The following NREP variants were observed in gnomAD, a reference collection of about 807,000 sequenced individuals.
NREP encodes the protein neuronal regeneration-related protein.
In NREP, 5 loss-of-function variants were observed where a neutral mutation model predicts 8.6. That is an observed-to-expected ratio of 0.58 (90% CI 0.30 to 1.22). The LOEUF (loss-of-function observed/expected upper bound fraction) is 1.22, where lower values mean the gene tolerates loss of function less well. NREP is among the 50% of genes most tolerant of loss of function. The pLI is 0.07. For missense variants in NREP, 86 were observed against 82.5 expected, an observed-to-expected ratio of 1.04 and a Z score of -0.17; for synonymous variants, 27 against 28.0, an observed-to-expected ratio of 0.96 and a Z score of 0.11.
intron 2 of NREP, among the ~76,000 whole-genome samples, chr5:111,767,109 C>G (rs1751102873): frequency 6.6e-6 from 1 of 152,096 alleles, no homozygotes; most frequent in African/African-American, 2.4e-5. Flanking sequence ...GGAATTTAAG[C>G]AGTCAAGAAT....
chr5:111,969,938 T>C (rs1756761390), intron 2 of NREP, among the ~76,000 whole-genome samples: 1 of 152,226 alleles, frequency 6.6e-6, no homozygotes, highest in Non-Finnish European at 1.5e-5. Flanking sequence ...AAACTCTTGC[T>C]GTCTCTGAAC....
At chr5:111,931,439 T>C (rs1470063675) in intron 2 of NREP, among the ~76,000 whole-genome samples, 2 of 152,008 alleles carry the variant, frequency 1.3e-5, no homozygotes, top group Non-Finnish European at 1.5e-5. Context: ...TGGAGTTTAG[T>C]TGGTCACCTG....
intron 2 of NREP, among the ~76,000 whole-genome samples, chr5:111,745,584 T>G (rs1352856250): frequency 6.6e-6 from 1 of 152,150 alleles, no homozygotes; most frequent in East Asian, 1.9e-4. Context: ...ACAATCTAAT[T>G]CAGTATAGCT....
At chr5:111,842,062 A>T (rs577139587) in intron 2 of NREP, among the ~76,000 whole-genome samples, 4 of 148,902 alleles carry the variant, frequency 2.7e-5, no homozygotes, top group Non-Finnish European at 4.5e-5. Flanking sequence ...GTATTATCTC[A>T]TTTCATTCTG....
At chr5:111,820,219 A>G (rs1752486348) in intron 2 of NREP, among the ~76,000 whole-genome samples, 1 of 152,208 alleles carries the variant, frequency 6.6e-6, no homozygotes, top group Non-Finnish European at 1.5e-5. Flanking sequence ...TAAATAGATC[A>G]CAAAAAAAAA....
chr5:111,793,944 G>C (rs1751814922), intron 2 of NREP, among the ~76,000 whole-genome samples: 1 of 152,080 alleles, frequency 6.6e-6, no homozygotes, highest in African/African-American at 2.4e-5. Flanking sequence ...TAGTCCCCCA[G>C]CTACTCGAGA....
At chr5:111,921,319 T>C (rs1041952678) in intron 2 of NREP, among the ~76,000 whole-genome samples, 1 of 152,058 alleles carries the variant, frequency 6.6e-6, no homozygotes, top group Non-Finnish European at 1.5e-5. Context: ...CTCAGGAGAA[T>C]AGTGGTCCTG....
intron 2 of NREP, among the ~76,000 whole-genome samples, chr5:111,779,104 A>G (rs1751431028): frequency 6.6e-6 from 1 of 152,210 alleles, no homozygotes; most frequent in Non-Finnish European, 1.5e-5. Context: ...ATATATGAAA[A>G]GAAATTAAAA....
chr5:111,742,404 A>C (rs1749738971), intron 2 of NREP, among the ~76,000 whole-genome samples: 1 of 152,128 alleles, frequency 6.6e-6, no homozygotes, highest in African/African-American at 2.4e-5. Flanking sequence ...CACAGAAAGG[A>C]AAAGGAAATC....
intron 2 of NREP, among the ~76,000 whole-genome samples, chr5:111,931,875 G>C (rs546018829): frequency 6.6e-6 from 1 of 151,786 alleles, no homozygotes; most frequent in Non-Finnish European, 1.5e-5. Context: ...TAGGCCTTCC[G>C]AAAAAGGAGA....
chr5:111,903,299 G>A (rs756761917), intron 2 of NREP, among the ~76,000 whole-genome samples: 3 of 151,938 alleles, frequency 2.0e-5, no homozygotes, highest in Non-Finnish European at 4.4e-5. Flanking sequence ...TGGTCAGGCT[G>A]GTCTTGAGCT....
chr5:111,877,234 G>C (rs1355396024), intron 2 of NREP, among the ~76,000 whole-genome samples: 1 of 152,124 alleles, frequency 6.6e-6, no homozygotes, highest in Non-Finnish European at 1.5e-5. Flanking sequence ...GGTTGCTGCT[G>C]CTATGGCCCT....
At chr5:111,820,452 A>C (rs965519099) in intron 2 of NREP, among the ~76,000 whole-genome samples, 2 of 152,222 alleles carry the variant, frequency 1.3e-5, no homozygotes, top group African/African-American at 4.8e-5. Context: ...GGGATTAACT[A>C]TATATACATA....
At chr5:111,897,200 T>TTGGA (rs1432749158) in intron 2 of NREP, among the ~76,000 whole-genome samples, 1 of 152,170 alleles carries the variant, frequency 6.6e-6, no homozygotes, top group African/African-American at 2.4e-5. Context: ...AGGCAGATAT[T>TTGGA]TGGATACCCA....
At chr5:111,923,350 G>A (rs192459340) in intron 2 of NREP, among the ~76,000 whole-genome samples, 25 of 152,250 alleles carry the variant, frequency 1.6e-4, no homozygotes, top group Admixed American at 3.9e-4. Context: ...GGATTTTCTA[G>A]GGGAATTTCC....
chr5:111,840,049 T>C (rs150842088), intron 2 of NREP, among the ~76,000 whole-genome samples: 39 of 152,238 alleles, frequency 2.6e-4, no homozygotes, highest in African/African-American at 8.7e-4. Context: ...TTTTCACAAA[T>C]CATTGTTTAG....
intron 2 of NREP, among the ~76,000 whole-genome samples, chr5:111,804,217 A>G (rs1035301411): frequency 5.3e-5 from 8 of 152,216 alleles, no homozygotes; most frequent in Middle Eastern, 3.2e-3. Flanking sequence ...AAAATTCAGA[A>G]AGAGAATATA....
intron 2 of NREP, among the ~76,000 whole-genome samples, chr5:111,784,144 C>T (rs1006169405): frequency 6.6e-6 from 1 of 152,138 alleles, no homozygotes; most frequent in African/African-American, 2.4e-5. Flanking sequence ...CTATTTTCTA[C>T]TTGGGGCTTT....
chr5:111,939,254 C>G (rs984107548), intron 2 of NREP, among the ~76,000 whole-genome samples: 4 of 152,012 alleles, frequency 2.6e-5, no homozygotes, highest in Non-Finnish European at 5.9e-5. Flanking sequence ...CAGCAAACAT[C>G]TGATGCAAAA....
Sources: gnomAD v4.1 joint callset for allele counts (sites outside exome capture counted in the v4.1 genomes callset) on GRCh38, gnomAD v4.1.1 for gene constraint, MANE v1.5 for transcripts, NCBI Gene and HGNC (gene_info 2026-07-23, HGNC 2026-07-21) for gene names.